The following FCHSD2 variants were observed in gnomAD, a reference collection of about 807,000 sequenced individuals.
FCHSD2 encodes F-BAR and double SH3 domains protein 2.
In FCHSD2, 38 loss-of-function variants were observed where a neutral mutation model predicts 108.1. The observed-to-expected ratio is 0.35, with a 90% CI of 0.27 to 0.46. The LOEUF (loss-of-function observed/expected upper bound fraction) is 0.46, where lower values mean the gene tolerates loss of function less well. FCHSD2 is among the 20% of genes least tolerant of loss of function. The probability of loss-of-function intolerance (pLI) is 1.00; values close to 1 mark genes in which losing one functional copy is unlikely to be tolerated. For missense variants in FCHSD2, 751 were observed against 897.8 expected, an observed-to-expected ratio of 0.84 and a Z score of 2.09; for synonymous variants, 279 against 314.7, an observed-to-expected ratio of 0.89 and a Z score of 1.20.
chr11:72,967,043 A>T, intron 8 of FCHSD2, among the ~76,000 whole-genome samples: 1 of 152,056 alleles, frequency 6.6e-6, no homozygotes. Flanking sequence ...CTAAAAAAAT[A>T]CAAAAAATTA....
At chr11:73,025,679 A>T (rs1027959161) in intron 3 of FCHSD2, among the ~76,000 whole-genome samples, 35 of 152,294 alleles carry the variant, frequency 2.3e-4, no homozygotes, top group African/African-American at 6.3e-4. Context: ...AATTTTAAAA[A>T]TTTTTTAAAT....
intron 2 of FCHSD2, among the ~76,000 whole-genome samples, chr11:73,135,438 G>A (rs1442255906): frequency 6.6e-6 from 1 of 152,112 alleles, no homozygotes. Context: ...CCTCTAAGAA[G>A]GTAGTTCTTT....
At chr11:72,924,102 A>G (rs1274726976) in intron 8 of FCHSD2, among the ~76,000 whole-genome samples, 1 of 151,668 alleles carries the variant, frequency 6.6e-6, no homozygotes, top group Non-Finnish European at 1.5e-5. Context: ...TTGATGTACA[A>G]AAGTTTTACT....
At chr11:73,003,035 A>G (rs990723467) in intron 4 of FCHSD2, among the ~76,000 whole-genome samples, 2 of 152,238 alleles carry the variant, frequency 1.3e-5, no homozygotes, top group African/African-American at 2.4e-5. Context: ...AACTATGAAG[A>G]CTGTACAATA....
In FCHSD2 at chr11:72,892,616, G is replaced by GT. The variant is rs201795040; in HGVS notation, c.925-2672dup. The stretch of plus-strand genomic sequence containing the variant: ...TGTGTTTTTGTTTGTTTTGTTTTTT[G>GT]TTTTTTGAGACAGAGTCTCACTCTG... On this transcript the variant is annotated intron_variant, in intron 10 of 19. Coordinates refer to ENST00000409418, the MANE Select transcript of FCHSD2 (RefSeq NM_014824.3). Among the ~76,000 whole-genome samples the GT allele has an allele frequency of 2.2e-4, 33 of 152,064 alleles. No homozygotes were observed. In the East Asian group the frequency reaches 6.4e-3, roughly 29 times the overall value.
intron 13 of FCHSD2, among the ~76,000 whole-genome samples, chr11:72,865,722 G>T (rs1441130378): frequency 6.6e-6 from 1 of 151,344 alleles, no homozygotes; most frequent in Non-Finnish European, 1.5e-5. Context: ...GTATTTCAAA[G>T]AATCATGAGA....
At chr11:72,927,328 A>G (rs1856096324) in intron 8 of FCHSD2, among the ~76,000 whole-genome samples, 3 of 152,204 alleles carry the variant, frequency 2.0e-5, no homozygotes, top group African/African-American at 7.2e-5. Flanking sequence ...ATCATTATAC[A>G]TTTGTCTAAA....
At chr11:73,096,979 ATTGATGGATTTTTTT>A (rs1860094117) in intron 2 of FCHSD2, among the ~76,000 whole-genome samples, 1 of 37,742 alleles carries the variant, frequency 2.6e-5, no homozygotes, top group East Asian at 1.1e-3. Context: ...GATGTATTTC[ATTGATGGATTTTTTT>A]TTTTTTTTTT....
At chr11:73,002,988 T>C (rs1353144420) in intron 4 of FCHSD2, among the ~76,000 whole-genome samples, 1 of 152,222 alleles carries the variant, frequency 6.6e-6, no homozygotes, top group Non-Finnish European at 1.5e-5. Flanking sequence ...CAATAATATA[T>C]GTTGAAGGAG....
chr11:72,875,198 G>C (rs549116689), intron 12 of FCHSD2, among the ~76,000 whole-genome samples: 1 of 152,128 alleles, frequency 6.6e-6, no homozygotes, highest in South Asian at 2.1e-4. Flanking sequence ...TTGTAGAATA[G>C]AATCAATAAT....
intron 4 of FCHSD2, 110 bp downstream of exon 4, chr11:73,015,699 C>A: frequency 1.8e-6 from 1 of 562,904 alleles, no homozygotes. Flanking sequence ...GAAAACACAG[C>A]AGAGGAAAGA....
intron 5 of FCHSD2, among the ~76,000 whole-genome samples, chr11:72,996,388 A>G (rs998828492): frequency 4.6e-5 from 7 of 152,248 alleles, no homozygotes; most frequent in Admixed American, 4.6e-4. Context: ...GTGAACCACA[A>G]TATTTCAAGG....
At chr11:73,077,120 G>GAAA (rs1239579758) in intron 3 of FCHSD2, among the ~76,000 whole-genome samples, 1 of 128,030 alleles carries the variant, frequency 7.8e-6, no homozygotes. Context: ...AAAAGAAAAA[G>GAAA]AAAAAAAAGA....
chr11:73,045,048 C>A lies in FCHSD2; in HGVS notation c.166-29163G>T, dbSNP rs544451849. ...TCGCTCCACTGCACTCCAGCCTGGG[C>A]GACAGAGCAAGACTCCATCTCAAAA... is the stretch of plus-strand genomic sequence containing the variant. On this transcript the variant is annotated intron_variant, in intron 3 of 19. Transcript: ENST00000409418. Among the ~76,000 whole-genome samples, 27 of 143,316 alleles carry A rather than the reference C, an allele frequency of 1.9e-4. 1 individual carries two copies. The highest frequency in any genetic ancestry group is 7.1e-4 in the African/African-American group (27 of 38,160). 94.0% of individuals were successfully genotyped at this position (143,316 alleles called of 152,430 possible). A position where few individuals can be genotyped will look rare whatever the true frequency, so the allele number is the denominator to read the frequency against.
At chr11:73,083,653 AAAG>A (rs1330131935) in intron 3 of FCHSD2, 39 bp downstream of exon 3, 18 of 1,313,960 alleles carry the variant, frequency 1.4e-5, no homozygotes, top group African/African-American at 2.9e-5. Flanking sequence ...AAGCCACGGA[AAAG>A]AAGTATACCT....
chr11:73,029,504 G>A (rs1296948609), intron 3 of FCHSD2, among the ~76,000 whole-genome samples: 2 of 152,162 alleles, frequency 1.3e-5, no homozygotes, highest in Non-Finnish European at 2.9e-5. Flanking sequence ...AGGCAGCCAT[G>A]CATATGTTCC....
At chr11:72,841,397 A>G (rs1429640550) in intron 18 of FCHSD2, 57 bp downstream of exon 18, 1 of 1,493,542 alleles carries the variant, frequency 6.7e-7, no homozygotes, top group Non-Finnish European at 9.1e-7. Context: ...CTTCAGGCGA[A>G]TATGTAGGTT....
intron 2 of FCHSD2, among the ~76,000 whole-genome samples, chr11:73,109,478 G>A (rs1860431021): frequency 6.6e-6 from 1 of 152,044 alleles, no homozygotes; most frequent in African/African-American, 2.4e-5. Flanking sequence ...TGTAGCTACT[G>A]TAAATGAGAT....
chr11:73,112,948 G>T (rs1416291602), intron 2 of FCHSD2, among the ~76,000 whole-genome samples: 1 of 152,176 alleles, frequency 6.6e-6, no homozygotes, highest in Non-Finnish European at 1.5e-5. Flanking sequence ...TTACAGGCAT[G>T]AGCCACTGCC....
Sources: gnomAD v4.1 joint callset for allele counts (sites outside exome capture counted in the v4.1 genomes callset) on GRCh38, gnomAD v4.1.1 for gene constraint, MANE v1.5 for transcripts, NCBI Gene and HGNC (gene_info 2026-07-23, HGNC 2026-07-21) for gene names.